RGS7: variants seen among roughly 807,000 people sequenced by gnomAD.
RGS7 encodes regulator of G-protein signaling 7.
Under a neutral mutation model 81.1 loss-of-function variants are expected in RGS7, and 27 were observed. The ratio of observed to expected loss-of-function variants is 0.33; its 90% CI spans 0.25 to 0.46. RGS7 has a LOEUF of 0.46. RGS7 is among the 20% of genes least tolerant of loss of function. The pLI is 1.00. For synonymous variants in RGS7, 208 were observed against 207.7 expected (o/e 1.00, Z -0.01); for missense variants, 396 against 607.4 (o/e 0.65, Z 3.66).
At chr1:241,227,832 C>A (rs762411764) in intron 2 of RGS7, among the ~76,000 whole-genome samples, 1 of 152,172 alleles carries the variant, frequency 6.6e-6, no homozygotes, top group Non-Finnish European at 1.5e-5. Flanking sequence ...GACTCCTTAT[C>A]ATGATTTTAC....
At chr1:240,826,885 C>T (rs557656524) in intron 10 of RGS7, among the ~76,000 whole-genome samples, 33 of 152,238 alleles carry the variant, frequency 2.2e-4, no homozygotes, top group African/African-American at 7.5e-4. Context: ...TCCTGTTCCT[C>T]TCGTCTCAGT....
intron 2 of RGS7, among the ~76,000 whole-genome samples, chr1:241,169,180 TA>T (rs755061739): frequency 2.0e-5 from 3 of 148,912 alleles, no homozygotes; most frequent in Non-Finnish European, 4.4e-5. Context: ...ACATGTAATA[TA>T]TATGTTATAT....
At chr1:241,054,439 T>G (rs1305024586) in intron 3 of RGS7, among the ~76,000 whole-genome samples, 2 of 152,172 alleles carry the variant, frequency 1.3e-5, no homozygotes, top group East Asian at 3.9e-4. Flanking sequence ...CATCTCCATC[T>G]CCACTGTCTC....
intron 6 of RGS7, among the ~76,000 whole-genome samples, chr1:240,914,578 A>T (rs1672284965): frequency 6.6e-6 from 1 of 152,204 alleles, no homozygotes; most frequent in South Asian, 2.1e-4. Context: ...AGCCTATTCC[A>T]TGTAGAAATA....
intron 13 of RGS7, among the ~76,000 whole-genome samples, chr1:240,812,689 C>T (rs1305518060): frequency 1.3e-5 from 2 of 152,090 alleles, no homozygotes; most frequent in African/African-American, 2.4e-5. Context: ...CCCACCAAAG[C>T]GTCCCAAAGT....
At chr1:240,919,581 T>C in intron 6 of RGS7, 1 of 229,824 alleles carries the variant, frequency 4.4e-6, no homozygotes, top group Non-Finnish European at 8.5e-6. Context: ...CCCAACTTGA[T>C]AAAAAAAAAT....
intron 2 of RGS7, among the ~76,000 whole-genome samples, chr1:241,310,130 T>C (rs372447628): frequency 1.3e-5 from 2 of 152,242 alleles, no homozygotes; most frequent in African/African-American, 4.8e-5. Flanking sequence ...GAAGACAACA[T>C]GTTTGCTACT....
intron 2 of RGS7, among the ~76,000 whole-genome samples, chr1:241,223,878 T>C (rs1420929542): frequency 6.6e-6 from 1 of 151,934 alleles, no homozygotes; most frequent in Non-Finnish European, 1.5e-5. Context: ...AGGTGAGTGT[T>C]CCATTCATTG....
chr1:240,960,005 C>G (rs911982048), intron 4 of RGS7, among the ~76,000 whole-genome samples: 3 of 151,748 alleles, frequency 2.0e-5, no homozygotes, highest in African/African-American at 7.3e-5. Context: ...ACTAAAAATA[C>G]AAAAATTAGC....
intron 2 of RGS7, among the ~76,000 whole-genome samples, chr1:241,155,577 G>GAAAAAAA (rs58091813): frequency 6.9e-5 from 8 of 116,570 alleles, no homozygotes; most frequent in Admixed American, 2.6e-4. Flanking sequence ...TTGAAAAAAA[G>GAAAAAAA]AAAAAAAAAA....
At chr1:241,227,079 T>A (rs1573231321) in intron 2 of RGS7, among the ~76,000 whole-genome samples, 1 of 152,280 alleles carries the variant, frequency 6.6e-6, no homozygotes, top group South Asian at 2.1e-4. Flanking sequence ...CTGGCTCTGA[T>A]GAGGAACTCC....
At chr1:241,282,228 C>A (rs2078555210) in intron 2 of RGS7, among the ~76,000 whole-genome samples, 1 of 152,192 alleles carries the variant, frequency 6.6e-6, no homozygotes, top group Admixed American at 6.5e-5. Context: ...TTAGCTCCCA[C>A]TTATAAAGGA....
At chr1:240,920,511 C>A (rs1481475571) in intron 6 of RGS7, 2 of 865,878 alleles carry the variant, frequency 2.3e-6, no homozygotes, top group East Asian at 4.8e-5. Flanking sequence ...AAGCTCTGGC[C>A]TCTATGGTGA....
At chr1:241,242,269 C>T (rs1333261610) in intron 2 of RGS7, among the ~76,000 whole-genome samples, 1 of 151,750 alleles carries the variant, frequency 6.6e-6, no homozygotes, top group East Asian at 1.9e-4. Flanking sequence ...GTTGCTGCTG[C>T]TGCAAATGCC....
intron 2 of RGS7, among the ~76,000 whole-genome samples, chr1:241,105,103 A>G (rs754083943): frequency 6.6e-6 from 1 of 152,174 alleles, no homozygotes; most frequent in Non-Finnish European, 1.5e-5. Flanking sequence ...AAACACTCTT[A>G]TCCCTCTTAT....
intron 2 of RGS7, among the ~76,000 whole-genome samples, chr1:241,121,696 G>A (rs1045825367): frequency 1.4e-5 from 2 of 139,812 alleles, no homozygotes; most frequent in African/African-American, 2.7e-5. Flanking sequence ...CTATCCACCT[G>A]TGTTGCAATT....
At chr1:241,353,830 TGTAGA>T (rs563900308) in intron 2 of RGS7, among the ~76,000 whole-genome samples, 87 of 152,252 alleles carry the variant, frequency 5.7e-4, no homozygotes, top group Admixed American at 5.4e-3. Flanking sequence ...TACAACACTG[TGTAGA>T]GTAAACCCAA....
At chr1:241,038,306 C>T (rs2060436197) in intron 3 of RGS7, among the ~76,000 whole-genome samples, 1 of 152,044 alleles carries the variant, frequency 6.6e-6, no homozygotes, top group Non-Finnish European at 1.5e-5. Context: ...TTATATATAT[C>T]AAATAGCAAA....
chr1:240,788,120 G>A (rs1007719188), intron 18 of RGS7, among the ~76,000 whole-genome samples: 1 of 152,186 alleles, frequency 6.6e-6, no homozygotes, highest in African/African-American at 2.4e-5. Context: ...GTGTCACTCA[G>A]ATTTAATTTG....
Sources: gnomAD v4.1 joint callset for allele counts (sites outside exome capture counted in the v4.1 genomes callset) on GRCh38, gnomAD v4.1.1 for gene constraint, MANE v1.5 for transcripts, NCBI Gene and HGNC (gene_info 2026-07-23, HGNC 2026-07-21) for gene names.